The following NCOA3 variants were observed in gnomAD, a reference collection of about 807,000 sequenced individuals.
NCOA3 encodes CBP-interacting protein.
In NCOA3, 51 loss-of-function variants were observed where a neutral mutation model predicts 158.8. The ratio of observed to expected loss-of-function variants is 0.32; its 90% CI spans 0.26 to 0.41. The LOEUF (loss-of-function observed/expected upper bound fraction) is 0.41. NCOA3 is among the 10% of genes least tolerant of loss of function. NCOA3 has a pLI of 1.00. For synonymous variants in NCOA3, 537 were observed against 592.4 expected (o/e 0.91, Z 1.36); for missense variants, 1,510 against 1,746.6 (o/e 0.86, Z 2.41).
intron 1 of NCOA3, among the ~76,000 whole-genome samples, chr20:47,533,099 T>A (rs2084572152): frequency 9.9e-6 from 1 of 100,756 alleles, no homozygotes; most frequent in Non-Finnish European, 1.8e-5. Flanking sequence ...AGCAAGACTC[T>A]GTCTCAAAAA....
At chr20:47,646,219 T>C (rs2086683448) in intron 17 of NCOA3, among the ~76,000 whole-genome samples, 1 of 152,248 alleles carries the variant, frequency 6.6e-6, no homozygotes, top group South Asian at 2.1e-4. Context: ...ATGTATATTA[T>C]ATAGTTGTTA....
intron 1 of NCOA3, among the ~76,000 whole-genome samples, chr20:47,577,801 G>A (rs774598740): frequency 6.6e-6 from 1 of 152,300 alleles, no homozygotes; most frequent in Admixed American, 6.5e-5. Flanking sequence ...AAGCCAAGGC[G>A]TCTGTTTTCA....
At chr20:47,515,648 C>CTAATTTT (rs2146067251) in intron 1 of NCOA3, among the ~76,000 whole-genome samples, 1 of 151,896 alleles carries the variant, frequency 6.6e-6, no homozygotes, top group Non-Finnish European at 1.5e-5. Flanking sequence ...CCACTCCCAG[C>CTAATTTT]TAATTTTTTA....
At chr20:47,647,909 G>GTTTTTTTTTTTTTTTTTTT (rs1199919209) in intron 18 of NCOA3, among the ~76,000 whole-genome samples, 1 of 128,092 alleles carries the variant, frequency 7.8e-6, no homozygotes, top group African/African-American at 2.9e-5. Flanking sequence ...TTGTTTGTTT[G>GTTTTTTTTTTTTTTTTTTT]TTTTGTTTTG....
chr20:47,512,587 A>C (rs6018518), intron 1 of NCOA3, among the ~76,000 whole-genome samples: 118,521 of 144,512 alleles, frequency 0.82, 50,016 homozygotes, highest in East Asian at 0.91. Context: ...AAAAAAAAAA[A>C]AACACAAAAG....
intron 1 of NCOA3, among the ~76,000 whole-genome samples, chr20:47,542,022 T>G (rs1200317863): frequency 2.5e-5 from 3 of 118,134 alleles, no homozygotes; most frequent in African/African-American, 9.4e-5. Context: ...TTTTTTTTTT[T>G]TTTTTTTTGT....
intron 1 of NCOA3, among the ~76,000 whole-genome samples, chr20:47,529,910 A>T (rs976862167): frequency 6.6e-6 from 1 of 152,248 alleles, no homozygotes; most frequent in African/African-American, 2.4e-5. Context: ...ACTGCTTTGC[A>T]GGAAGAAAGA....
chr20:47,547,558 G>A (rs1287597510), intron 1 of NCOA3, among the ~76,000 whole-genome samples: 3 of 151,684 alleles, frequency 2.0e-5, no homozygotes, highest in Admixed American at 6.6e-5. Context: ...GACTACAGGC[G>A]CCCATCACCA....
At chr20:47,576,118 T>C (rs1448431379) in intron 1 of NCOA3, among the ~76,000 whole-genome samples, 1 of 152,170 alleles carries the variant, frequency 6.6e-6, no homozygotes, top group African/African-American at 2.4e-5. Context: ...TACTGAAATA[T>C]AAGAAAAGAA....
rs575619475 is a variant in NCOA3, at chr20:47,636,302, A to G, written c.1916A>G (p.Asn639Ser). 8 of 1,613,676 alleles carry G rather than the reference A, an allele frequency of 5.0e-6. No individual in the cohort carries two copies. In the South Asian group the frequency reaches 8.8e-5, roughly 18 times the overall value. ...SDDRGHSSLT[N>S]SPLDSSCKES... ...GACCGGGGTCATTCCTCCTTGACCA[A>G]CTCCCCCCTAGATTCAAGTTGTAAA... Residue 639 changes from asparagine to serine, a missense_variant, in exon 12 of 23, where the codon AAC (asparagine) becomes AGC (serine). By Grantham distance (46) the Asn-to-Ser change is conservative (BLOSUM62 1). Transcript: ENST00000371998.
In NCOA3 at chr20:47,635,586, T is replaced by C; in HGVS notation, c.1377T>C (p.Tyr459=). The C allele has an allele frequency of 6.2e-7, 1 of 1,614,172 alleles. No homozygotes were observed. Among genetic ancestry groups the C allele is most frequent in the Non-Finnish European group, 8.5e-7 (1 of 1,180,024 alleles). ...CATCTTCCTACCAGAACAACAACTA[T>C]GGGCTCAACATGAGTAGCCCCCCAC... is the stretch of plus-strand genomic sequence containing the variant. The part of the protein sequence containing the change: ...QSPSSYQNNN[Y]GLNMSSPPHG... The change falls in exon 11 of 23, where the codon TAT becomes TAC. Residue 459 remains tyrosine (Y), a synonymous_variant. Coordinates refer to ENST00000371998, the MANE Select transcript of NCOA3 (RefSeq NM_181659.3).
Position 47,635,362 on chromosome 20 carries a change from C to T in NCOA3, c.1153C>T (p.Gln385Ter). 1 of 1,608,668 alleles carries T rather than the reference C, an allele frequency of 6.2e-7. No individual in the cohort carries two copies. Among genetic ancestry groups the T allele is most frequent in the Non-Finnish European group, 8.5e-7 (1 of 1,175,524 alleles). Reference sequence around the variant, plus strand: ...TAGACCAAACCCAAATCCTGTTGGACAAGGGATTAGACCACCTATGGCTGG... The same window carrying T: ...TAGACCAAACCCAAATCCTGTTGGATAAGGGATTAGACCACCTATGGCTGG... ...GYRPNPNPVG[Q>*]GIRPPMAGCN... The change falls in exon 11 of 23, where the codon CAA (glutamine) becomes TAA (stop). Residue 385 changes from glutamine (Q) to a stop codon, truncating the protein, a stop_gained. Transcript: ENST00000371998. LOFTEE classifies it high-confidence loss of function.
At chr20:47,553,833 A>G (rs2084960364) in intron 1 of NCOA3, among the ~76,000 whole-genome samples, 3 of 151,970 alleles carry the variant, frequency 2.0e-5, no homozygotes, top group Non-Finnish European at 4.4e-5. Context: ...AGTCTTTGCT[A>G]TTGTGAATAG....
rs752081738 is a variant in NCOA3, at chr20:47,636,381, A to G, written c.1995A>G (p.Gly665=). The G allele has an allele frequency of 8.7e-6, 14 of 1,614,016 alleles. No homozygotes were observed. Among genetic ancestry groups the G allele is most frequent in the Non-Finnish European group, 1.2e-5 (14 of 1,180,030 alleles). Reference sequence around the variant, plus strand: ...CTGGAGTCTCCTCCTCTACATCTGGAGGAGTATCCTCTACATCCAATATGC... The same window carrying G: ...CTGGAGTCTCCTCCTCTACATCTGGGGGAGTATCCTCTACATCCAATATGC... ...SPSGVSSSTS[G]GVSSTSNMHG... The change falls in exon 12 of 23, where the codon GGA becomes GGG. Residue 665 remains glycine, a synonymous_variant. Transcript: ENST00000371998.
Position 47,655,513 on chromosome 20 carries a change from A to C in NCOA3, c.*2096A>C, listed in dbSNP as rs144185862. ...CCAGAGTGGATCTTATTTTCAAAGC[A>C]GTATAGACAATTATGAGTTTGCCCT... On this transcript the variant is annotated 3_prime_UTR_variant, in exon 23 of 23. Transcript: ENST00000371998. 6.5e-5 allele frequency: 10 copies of C among 152,740 alleles called. No homozygotes were observed. Among genetic ancestry groups the C allele is most frequent in the Non-Finnish European group, 8.8e-5 (6 of 68,032 alleles). 9.5% of individuals were successfully genotyped at this position (152,740 alleles called of 1,614,324 possible).
rs763174545 is a variant in NCOA3 at position 47,654,357 on chromosome 20, G to A, written c.*940G>A. 3 of 152,522 alleles carry A rather than the reference G, an allele frequency of 2.0e-5. No homozygotes were observed. Among genetic ancestry groups the A allele is most frequent in the East Asian group, 1.9e-4 (1 of 5,202 alleles). The allele number at this position is 152,522 out of a possible 1,614,324, so 9.4% of individuals were successfully genotyped here. A position where few individuals can be genotyped will look rare whatever the true frequency, so the allele number is the denominator to read the frequency against. ...GTACTGCATTCTGAATCAGAATCTC[G>A]CAGTGTTTCTGTGAATAGATTTTTT... On this transcript the variant is annotated 3_prime_UTR_variant, in exon 23 of 23. Transcript: ENST00000371998.
rs539402729 is a variant in NCOA3 at position 47,635,240 on chromosome 20, A to G, written c.1113-82A>G. 6 of 1,395,974 alleles carry G rather than the reference A, an allele frequency of 4.3e-6. No individual in the cohort carries two copies. The African/African-American group carries it at 8.7e-5, about 20-fold the overall frequency. 86.5% of individuals were successfully genotyped at this position (1,395,974 alleles called of 1,614,324 possible). A position where few individuals can be genotyped will look rare whatever the true frequency, so the allele number is the denominator to read the frequency against. ...CACTGTAGCTGGCTGGTTTTTTAAA[A>G]TTTTATTTTATTTTAAATCTGATTA... On this transcript the variant is annotated intron_variant, in intron 10 of 22. Coordinates refer to ENST00000371998, the MANE Select transcript of NCOA3 (RefSeq NM_181659.3).
rs773805737 is a variant in NCOA3, at chr20:47,627,951, C to T, written c.751C>T (p.Arg251Cys). 9.7e-5 allele frequency: 157 copies of T among 1,613,796 alleles called. No homozygotes were observed. Among genetic ancestry groups the T allele is most frequent in the Middle Eastern group, 1.6e-4 (1 of 6,062 alleles). The change falls in exon 8 of 23, where the codon CGC becomes TGC. Residue 251 changes from arginine (R) to cysteine (C), a missense_variant. By Grantham distance (180) the Arg-to-Cys change is radical. This residue lies in a region of NCOA3 where 309 missense variants were observed against 427.1 expected (regional missense o/e 0.72). Coordinates refer to ENST00000371998, the MANE Select transcript of NCOA3 (RefSeq NM_181659.3). ...DLQSCMICVA[R>C]RITTGERTFP... ...GCAATCTTGTATGATCTGTGTGGCA[C>T]GCCGCATTACTACAGGAGAAAGAAC...
At chr20:47,642,930 A>G (rs1192486531) in intron 17 of NCOA3, among the ~76,000 whole-genome samples, 1 of 152,092 alleles carries the variant, frequency 6.6e-6, no homozygotes. Flanking sequence ...TTCTTTTTTG[A>G]ATCGGAGTCT....
Sources: allele counts gnomAD v4.1 joint callset (sites outside exome capture counted in the v4.1 genomes callset), GRCh38; gene constraint gnomAD v4.1.1; regional missense constraint gnomAD v4.1.1; transcripts MANE v1.5; gene names NCBI Gene and HGNC (gene_info 2026-07-23, HGNC 2026-07-21).